Variants in HELQ observed in about 807,000 individuals in gnomAD.
HELQ encodes the protein helicase POLQ-like.
A neutral mutation model predicts 111.6 loss-of-function variants in HELQ; 77 were observed. The ratio of observed to expected loss-of-function variants is 0.69; its 90% CI spans 0.57 to 0.83. HELQ has a LOEUF of 0.83. Ranked by LOEUF, HELQ falls within the 40% of genes least tolerant of loss-of-function variation. HELQ has a pLI of 0.00. For missense variants in HELQ, 1,200 were observed against 1,288.5 expected (o/e 0.93, Z 1.05); for synonymous variants, 438 against 454.7 (o/e 0.96, Z 0.47).
Position 83,432,205 on chromosome 4 carries a change from ATC to A in HELQ, c.2109_2110del (p.Gln703HisfsTer34). 1.9e-6 allele frequency: 3 copies of A among 1,598,894 alleles called. No individual in the cohort carries two copies. The highest frequency in any genetic ancestry group is 4.5e-5 in the East Asian group (2 of 44,244). On this transcript the variant is annotated frameshift_variant, in exon 10 of 18. Coordinates refer to ENST00000295488, the MANE Select transcript of HELQ (RefSeq NM_133636.5). LOFTEE classifies it high-confidence loss of function. ...TCCAGCACGACCAGCTCTGCCAATC[ATC>A]TGTTTATATTGATTCCTCTTTAAAA... is the stretch of plus-strand genomic sequence containing the variant.
intron 17 of HELQ, among the ~76,000 whole-genome samples, chr4:83,413,249 C>T (rs780356517): frequency 6.6e-6 from 1 of 152,188 alleles, no homozygotes; most frequent in Non-Finnish European, 1.5e-5. Context: ...GAGGGAACCC[C>T]AACTTGAATT....
At chr4:83,427,489 T>TA in intron 13 of HELQ, 74 bp downstream of exon 13, 1 of 1,312,358 alleles carries the variant, frequency 7.6e-7, no homozygotes, top group South Asian at 1.7e-5. Context: ...GCCTCATCTC[T>TA]AAAAAACAAA....
chr4:83,428,436 C>T (rs1248816518), intron 12 of HELQ, among the ~76,000 whole-genome samples: 2 of 152,096 alleles, frequency 1.3e-5, no homozygotes, highest in Admixed American at 1.3e-4. Flanking sequence ...TGACATGCCC[C>T]TGTAGTCCCA....
chr4:83,421,540 T>C, intron 15 of HELQ, 23 bp downstream of exon 15: 1 of 1,583,564 alleles, frequency 6.3e-7, no homozygotes, highest in Non-Finnish European at 8.7e-7. Flanking sequence ...ACAAAGTACA[T>C]ATCATATATT....
chr4:83,409,336 G>A (rs950624353), intron 17 of HELQ, among the ~76,000 whole-genome samples: 1 of 152,066 alleles, frequency 6.6e-6, no homozygotes, highest in African/African-American at 2.4e-5. Context: ...AGACCATGAG[G>A]TCAGGAGATC....
chr4:83,449,603 C>T (rs1018969920), intron 2 of HELQ, among the ~76,000 whole-genome samples: 3 of 152,276 alleles, frequency 2.0e-5, no homozygotes, highest in Non-Finnish European at 2.9e-5. Context: ...ATCCAAGATA[C>T]CGTGTGAAAA....
chr4:83,422,050 G>A (rs1236155194), intron 14 of HELQ, among the ~76,000 whole-genome samples: 1 of 151,684 alleles, frequency 6.6e-6, no homozygotes, highest in Non-Finnish European at 1.5e-5. Context: ...GCAAAACTCC[G>A]TCTCCACAAA....
intron 15 of HELQ, among the ~76,000 whole-genome samples, chr4:83,419,608 C>T (rs1739555353): frequency 6.7e-6 from 1 of 148,490 alleles, no homozygotes; most frequent in African/African-American, 2.5e-5. Flanking sequence ...GAGTTTTTTA[C>T]TTAAACAATT....
chr4:83,419,736 G>T (rs961154844), intron 15 of HELQ, among the ~76,000 whole-genome samples: 1 of 151,866 alleles, frequency 6.6e-6, no homozygotes, highest in African/African-American at 2.4e-5. Flanking sequence ...CATTTTAAAG[G>T]CTAGCTTCTT....
chr4:83,428,312 G>GTT (rs111926706), intron 12 of HELQ, among the ~76,000 whole-genome samples: 3 of 144,916 alleles, frequency 2.1e-5, no homozygotes, highest in African/African-American at 2.5e-5. Context: ...GAGTTCTTAG[G>GTT]TTTTTTTTTT....
chr4:83,425,332 A>G (rs1285635744), intron 14 of HELQ, among the ~76,000 whole-genome samples: 4 of 151,954 alleles, frequency 2.6e-5, no homozygotes, highest in East Asian at 1.9e-4. Flanking sequence ...CTAGGTTTCA[A>G]TGTAAATTGG....
intron 17 of HELQ, among the ~76,000 whole-genome samples, chr4:83,408,309 T>A (rs1738899288): frequency 6.6e-6 from 1 of 152,010 alleles, no homozygotes; most frequent in African/African-American, 2.4e-5. Flanking sequence ...TGGAGCACGG[T>A]GGCGTGATCT....
At chr4:83,441,474 A>G (rs1720751999) in intron 6 of HELQ, 71 bp from the exon 7 acceptor site, 2 of 714,794 alleles carry the variant, frequency 2.8e-6, no homozygotes, top group Admixed American at 3.2e-5. Context: ...AAATATTGTA[A>G]AATAGGTTAA....
intron 2 of HELQ, among the ~76,000 whole-genome samples, chr4:83,451,663 C>CAAAAAAAAAAA (rs1388595459): frequency 7.7e-6 from 1 of 130,514 alleles, no homozygotes; most frequent in African/African-American, 4.0e-5. Flanking sequence ...GACTCCGTCT[C>CAAAAAAAAAAA]AAAAAAAAAC....
At chr4:83,417,914 A>G (rs1291525706) in intron 16 of HELQ, among the ~76,000 whole-genome samples, 179 bp downstream of exon 16, 1 of 152,124 alleles carries the variant, frequency 6.6e-6, no homozygotes, top group Non-Finnish European at 1.5e-5. Flanking sequence ...CCATCTAGTA[A>G]CAGCGGATTT....
intron 5 of HELQ, among the ~76,000 whole-genome samples, chr4:83,444,034 C>T (rs189041541): frequency 1.8e-4 from 28 of 152,074 alleles, no homozygotes; most frequent in Middle Eastern, 3.4e-3. Context: ...AACAGTGAGA[C>T]CTGACCTCTT....
At chr4:83,415,323 T>C (rs1441911811) in intron 17 of HELQ, among the ~76,000 whole-genome samples, 1 of 152,186 alleles carries the variant, frequency 6.6e-6, no homozygotes, top group Non-Finnish European at 1.5e-5. Context: ...GAGCTGTTTT[T>C]GAATATGTGA....
intron 17 of HELQ, among the ~76,000 whole-genome samples, chr4:83,408,738 C>G (rs1343715194): frequency 2.6e-5 from 4 of 151,226 alleles, no homozygotes; most frequent in Admixed American, 6.6e-5. Context: ...AGCTCCCACC[C>G]AAGTGTTTGC....
chr4:83,443,474 G>A (rs978563482), intron 6 of HELQ, 43 bp downstream of exon 6: 1 of 871,666 alleles, frequency 1.1e-6, no homozygotes, highest in Non-Finnish European at 1.8e-6. Context: ...TAAGTTAGAT[G>A]AATACGAAAC....
Sources: gnomAD v4.1 joint callset for allele counts (sites outside exome capture counted in the v4.1 genomes callset) on GRCh38, gnomAD v4.1.1 for gene constraint, MANE v1.5 for transcripts, NCBI Gene and HGNC (gene_info 2026-07-23, HGNC 2026-07-21) for gene names.